The following SNX21 variants were observed in gnomAD, a reference collection of about 807,000 sequenced individuals.
SNX21 encodes sorting nexin-21.
SNX21 carries 36 observed loss-of-function variants against 30.9 expected under a neutral mutation model. The observed-to-expected ratio is 1.16, with a 90% CI of 0.89 to 1.54. The LOEUF (loss-of-function observed/expected upper bound fraction) is 1.54. Among genes scored for constraint, SNX21 ranks in the 40% most tolerant of loss-of-function variants. SNX21 has a pLI of 0.00. For missense variants in SNX21, 508 were observed against 516.5 expected, an observed-to-expected ratio of 0.98 and a Z score of 0.16; for synonymous variants, 218 against 222.7, an observed-to-expected ratio of 0.98 and a Z score of 0.19.
At position 45,835,007 on chromosome 20, in the gene SNX21, G is replaced by T; in HGVS notation, c.338G>T (p.Arg113Leu). ...CAGTGGGGCAGTCAGCTCCTGGCGC[G>T]GCAGCTGCAGGATTTCTGGAAGAAG... Reference protein sequence around the residue: ...DGQWGSQLLARQLQDFWKKSR... With the variant: ...DGQWGSQLLALQLQDFWKKSR... The change falls in exon 3 of 4, where the codon CGG (arginine) becomes CTG (leucine). Residue 113 changes from arginine to leucine, a missense_variant. Coordinates refer to ENST00000491381, the MANE Select transcript of SNX21 (RefSeq NM_033421.4). The T allele has an allele frequency of 2.5e-6, 4 of 1,614,158 alleles. No homozygotes were observed. The highest frequency in any genetic ancestry group is 3.4e-6 in the Non-Finnish European group (4 of 1,180,028).
Position 45,835,120 on chromosome 20 carries a change from A to T in SNX21, c.447+4A>T, listed in dbSNP as rs1474708796. The T allele has an allele frequency of 1.2e-6, 2 of 1,611,804 alleles. No individual in the cohort carries two copies. The highest frequency in any genetic ancestry group is 3.3e-5 in the Admixed American group (2 of 59,794). ...GGACCCGCCCTCCAAGTACGTGGTGAGTGAGGGTCTAGAACCCCTGGGCTG... is the reference window on the plus strand; with the variant it reads ...GGACCCGCCCTCCAAGTACGTGGTGTGTGAGGGTCTAGAACCCCTGGGCTG... On this transcript the variant is annotated splice_donor_region_variant and intron_variant, in intron 3 of 3. Coordinates refer to ENST00000491381, the MANE Select transcript of SNX21 (RefSeq NM_033421.4).
At position 45,840,719 on chromosome 20, in the gene SNX21, G is replaced by A. The variant is rs905612749; in HGVS notation, c.528G>A (p.Glu176=). The change falls in exon 4 of 4, where the codon GAG becomes GAA. Residue 176 remains glutamate (E), a synonymous_variant. Transcript: ENST00000491381. ...AQISRRYSDF[E]RLHRNLQRQF... ...TCTCTCGCCGTTACTCGGACTTTGA[G>A]CGGCTGCACCGAAACCTGCAGCGGC... 1.9e-6 allele frequency: 3 copies of A among 1,614,082 alleles called. No homozygotes were observed. The highest frequency in any genetic ancestry group is 1.3e-5 in the African/African-American group (1 of 74,944).
At chr20:45,837,800 T>C (rs560366229) in intron 3 of SNX21, among the ~76,000 whole-genome samples, 52 of 151,840 alleles carry the variant, frequency 3.4e-4, no homozygotes, top group Middle Eastern at 3.4e-3. Flanking sequence ...TGAGACAGAG[T>C]CTTGCTCTGT....
Position 45,841,778 on chromosome 20 carries a change from T to C in SNX21, c.*465T>C. The C allele has an allele frequency of 6.6e-7, 1 of 1,512,374 alleles. No homozygotes were observed. Among genetic ancestry groups the C allele is most frequent in the Non-Finnish European group, 8.8e-7 (1 of 1,138,182 alleles). 93.7% of individuals were successfully genotyped at this position (1,512,374 alleles called of 1,614,324 possible). On this transcript the variant is annotated 3_prime_UTR_variant, in exon 4 of 4. Transcript: ENST00000491381. Reference sequence around the variant, plus strand: ...GGGCCAAAAGGGACTGTAACTCCTGTCTCAGGAATGGGGATAGATGGGAGG... The same window carrying C: ...GGGCCAAAAGGGACTGTAACTCCTGCCTCAGGAATGGGGATAGATGGGAGG...
At position 45,842,913 on chromosome 20, in the gene SNX21, C is replaced by T. The variant is rs1984343389; in HGVS notation, c.*1600C>T. On this transcript the variant is annotated 3_prime_UTR_variant, in exon 4 of 4. Transcript: ENST00000491381. Reference sequence around the variant, plus strand: ...CTTTTCTTCATTTGAAATGTACTCCCTTGGAAAGGAGGTCAGGGTTCTGAA... The same window carrying T: ...CTTTTCTTCATTTGAAATGTACTCCTTTGGAAAGGAGGTCAGGGTTCTGAA... 8.0e-6 allele frequency: 8 copies of T among 1,005,996 alleles called. No individual in the cohort carries two copies. The highest frequency in any genetic ancestry group is 1.7e-5 in the African/African-American group (1 of 57,560). The allele number at this position is 1,005,996 out of a possible 1,614,324, so 62.3% of individuals were successfully genotyped here.
chr20:45,842,028 AAC>A lies in SNX21; in HGVS notation c.*717_*718del. 1.3e-6 allele frequency: 2 copies of A among 1,571,340 alleles called. No individual in the cohort carries two copies. The highest frequency in any genetic ancestry group is 1.7e-6 in the Non-Finnish European group (2 of 1,159,598). On this transcript the variant is annotated 3_prime_UTR_variant, in exon 4 of 4. Coordinates refer to ENST00000491381, the MANE Select transcript of SNX21 (RefSeq NM_033421.4). ...AATACACTTTTTTTTTTTTTCCTGA[AAC>A]AGAGTCTCACTAAGTTGCCAGGCTG... is the stretch of plus-strand genomic sequence containing the variant.
intron 1 of SNX21, 55 bp downstream of exon 1, chr20:45,833,995 G>T: frequency 7.0e-7 from 1 of 1,428,716 alleles, no homozygotes; most frequent in Non-Finnish European, 9.1e-7. Context: ...AGCCCCTCCG[G>T]GGAGGAACGC....
At chr20:45,840,586 G>C in intron 3 of SNX21, 53 bp from the exon 4 acceptor site, 1 of 1,614,010 alleles carries the variant, frequency 6.2e-7, no homozygotes, top group East Asian at 2.2e-5. Context: ...GGATGGGGAG[G>C]GAACGGGCCC....
intron 1 of SNX21, 117 bp downstream of exon 1, chr20:45,834,057 G>C (rs1056836158): frequency 7.1e-7 from 1 of 1,409,946 alleles, no homozygotes; most frequent in Non-Finnish European, 9.3e-7. Context: ...GGGTCCCCTG[G>C]TTCGCAAGAC....
chr20:45,841,990 T>C lies in SNX21; in HGVS notation c.*677T>C, dbSNP rs758055660. 2.5e-6 allele frequency: 4 copies of C among 1,610,270 alleles called. No individual in the cohort carries two copies. The South Asian group carries it at 3.3e-5, about 13-fold the overall frequency. ...GAGGTGAAGGGTGATGATGGCCTGC[T>C]TCAGAACAGCCAAATACACTTTTTT... is the stretch of plus-strand genomic sequence containing the variant. On this transcript the variant is annotated 3_prime_UTR_variant, in exon 4 of 4. Transcript: ENST00000491381.
At chr20:45,834,157 C>A in intron 1 of SNX21, 44 bp from the exon 2 acceptor site, 1 of 1,446,914 alleles carries the variant, frequency 6.9e-7, no homozygotes, top group Non-Finnish European at 9.0e-7. Flanking sequence ...GCTGGGGTAC[C>A]CCTCCTCCGG....
In SNX21 at chr20:45,840,728, C is replaced by T. The variant is rs1487862762; in HGVS notation, c.537C>T (p.His179=). 3.1e-6 allele frequency: 5 copies of T among 1,614,204 alleles called. No individual in the cohort carries two copies. Among genetic ancestry groups the T allele is most frequent in the Non-Finnish European group, 4.2e-6 (5 of 1,180,042 alleles). Residue 179 remains histidine (H), a synonymous_variant, in exon 4 of 4, where the codon CAC becomes CAT. Transcript: ENST00000491381. ...GTTACTCGGACTTTGAGCGGCTGCA[C>T]CGAAACCTGCAGCGGCAATTCCGGG... is the stretch of plus-strand genomic sequence containing the variant. ...SRRYSDFERL[H]RNLQRQFRGP...
chr20:45,835,088 T>C lies in SNX21; in HGVS notation c.419T>C (p.Val140Ala). 1 of 1,613,620 alleles carries C rather than the reference T, an allele frequency of 6.2e-7. No individual in the cohort carries two copies. Among genetic ancestry groups the C allele is most frequent in the African/African-American group, 1.3e-5 (1 of 75,032 alleles). Residue 140 changes from valine to alanine, a missense_variant, in exon 3 of 4, where the codon GTT becomes GCT. Coordinates refer to ENST00000491381, the MANE Select transcript of SNX21 (RefSeq NM_033421.4). ...RLLFEVTSAN[V>A]VKDPPSKYVL... ...CTCTTCGAAGTGACCAGCGCTAACG[T>C]TGTCAAGGACCCGCCCTCCAAGTAC...
intron 3 of SNX21, among the ~76,000 whole-genome samples, chr20:45,837,840 T>C (rs1205214462): frequency 6.7e-6 from 1 of 149,494 alleles, no homozygotes; most frequent in Non-Finnish European, 1.5e-5. Flanking sequence ...TGGTGCAATC[T>C]CAGCTCACTG....
At chr20:45,839,208 C>CT (rs1983796029) in intron 3 of SNX21, among the ~76,000 whole-genome samples, 1 of 152,088 alleles carries the variant, frequency 6.6e-6, no homozygotes, top group African/African-American at 2.4e-5. Flanking sequence ...CCAAGAAGTC[C>CT]TTTTTTTAAA....
chr20:45,840,486 C>A, intron 3 of SNX21, 153 bp from the exon 4 acceptor site: 1 of 1,614,092 alleles, frequency 6.2e-7, no homozygotes, highest in Non-Finnish European at 8.5e-7. Flanking sequence ...TTCCCCGCCA[C>A]TGCGCAGCAG....
intron 3 of SNX21, among the ~76,000 whole-genome samples, chr20:45,835,513 A>G (rs1003589310): frequency 6.6e-6 from 1 of 152,210 alleles, no homozygotes; most frequent in Non-Finnish European, 1.5e-5. Flanking sequence ...ATCCAGACCA[A>G]TCTTGACTCC....
At chr20:45,836,030 CCCT>C (rs1332032721) in intron 3 of SNX21, among the ~76,000 whole-genome samples, 2 of 152,194 alleles carry the variant, frequency 1.3e-5, no homozygotes, top group African/African-American at 4.8e-5. Context: ...TCTCTCACTC[CCCT>C]CCTCTTCACC....
intron 2 of SNX21, 72 bp from the exon 3 acceptor site, chr20:45,834,883 ATGAG>A: frequency 1.3e-6 from 2 of 1,521,562 alleles, no homozygotes; most frequent in Non-Finnish European, 1.8e-6. Context: ...CACTGGGAGG[ATGAG>A]TGAGGCCACG....
Sources: gnomAD v4.1 joint callset for allele counts (sites outside exome capture counted in the v4.1 genomes callset) on GRCh38, gnomAD v4.1.1 for gene constraint, MANE v1.5 for transcripts, NCBI Gene and HGNC (gene_info 2026-07-23, HGNC 2026-07-21) for gene names.